Variants in ZNF496 observed in about 807,000 individuals in gnomAD.
ZNF496 encodes NSD1 (nuclear receptor binding SET-domain containing 1)-interacting zinc finger protein 1.
In ZNF496, 11 loss-of-function variants were observed where a neutral mutation model predicts 58.9. The observed-to-expected ratio is 0.19, with a 90% CI of 0.12 to 0.31. The LOEUF (loss-of-function observed/expected upper bound fraction) is 0.31, where lower values mean the gene tolerates loss of function less well. Ranked by LOEUF, ZNF496 falls within the 10% of genes least tolerant of loss-of-function variation. The probability of loss-of-function intolerance (pLI) is 1.00; values close to 1 mark genes in which losing one functional copy is unlikely to be tolerated. For missense variants in ZNF496, 660 were observed against 783.0 expected, an observed-to-expected ratio of 0.84 and a Z score of 1.88; for synonymous variants, 338 against 318.2, an observed-to-expected ratio of 1.06 and a Z score of -0.66.
At position 247,298,566 on chromosome 1, in the gene ZNF496, T is replaced by G. The variant is rs1659149063; in HGVS notation, c.*1953A>C. ...ACTGAGCTAGGCAATCCACCCACCT[T>G]GGTTTCCCAAAGTGCTAGGATTACA... On this transcript the variant is annotated 3_prime_UTR_variant, in exon 10 of 10. Transcript: ENST00000682384. 1 of 152,260 alleles carries G rather than the reference T, an allele frequency of 6.6e-6. No homozygotes were observed. The highest frequency in any genetic ancestry group is 6.5e-5 in the Admixed American group (1 of 15,278). 9.4% of individuals were successfully genotyped at this position (152,260 alleles called of 1,614,324 possible).
intron 6 of ZNF496, 110 bp from the exon 7 acceptor site, chr1:247,310,566 A>G: frequency 2.1e-6 from 3 of 1,407,892 alleles, no homozygotes. Flanking sequence ...CAGTTTCTAT[A>G]CAACAGAAAT....
chr1:247,328,906 G>C (rs1323514335), intron 4 of ZNF496, 40 bp from the exon 5 acceptor site: 3 of 1,549,862 alleles, frequency 1.9e-6, no homozygotes, highest in Non-Finnish European at 2.6e-6. Flanking sequence ...TAGGGGAAGA[G>C]GTCCCATCTC....
rs149208098 is a variant in ZNF496 at position 247,308,362 on chromosome 1, C to A, written c.1006+113G>T. The A allele has an allele frequency of 9.6e-6, 9 of 936,806 alleles. No homozygotes were observed. The highest frequency in any genetic ancestry group is 1.5e-5 in the Non-Finnish European group (9 of 582,572). 58.0% of individuals were successfully genotyped at this position (936,806 alleles called of 1,614,324 possible). A position where few individuals can be genotyped will look rare whatever the true frequency, so the allele number is the denominator to read the frequency against. On this transcript the variant is annotated intron_variant, in intron 9 of 9. Coordinates refer to ENST00000682384, the MANE Select transcript of ZNF496 (RefSeq NM_032752.3). The surrounding 1 kb of genome is among the most constrained non-coding windows in gnomAD (Gnocchi z 4.5). ...ACCACATATACCACATGTGTATGCA[C>A]GCACACATGCATTCAACACAACCAT...
chr1:247,305,905 C>T (rs1156713566), intron 9 of ZNF496, among the ~76,000 whole-genome samples: 1 of 152,146 alleles, frequency 6.6e-6, no homozygotes, highest in African/African-American at 2.4e-5. Context: ...CATAAAGAGA[C>T]CCCATCTTTA....
chr1:247,322,645 T>G, intron 6 of ZNF496: 1 of 1,185,610 alleles, frequency 8.4e-7, no homozygotes, highest in Admixed American at 2.3e-5. Flanking sequence ...AGTAAGCAAG[T>G]CTTACACAAA....
chr1:247,323,497 G>C lies in ZNF496; in HGVS notation c.575-267C>G, dbSNP rs1660024693. ...GCGACTTTGTTTCCAGATATAACAAGGGGGGCTGTAACAGAGTGTGCCTGG... is the reference window on the plus strand; with the variant it reads ...GCGACTTTGTTTCCAGATATAACAACGGGGGCTGTAACAGAGTGTGCCTGG... On this transcript the variant is annotated intron_variant, in intron 5 of 9. Transcript: ENST00000682384. 2.0e-5 allele frequency among the ~76,000 whole-genome samples: 3 copies of C among 152,178 alleles called. No individual in the cohort carries two copies. The South Asian group carries it at 6.2e-4, about 32-fold the overall frequency.
At chr1:247,313,945 T>A (rs1209658278) in intron 6 of ZNF496, 2 of 152,242 alleles carry the variant, frequency 1.3e-5, no homozygotes, top group East Asian at 3.8e-4. Context: ...GAAGGTTAGC[T>A]GCTTCTCAAG....
chr1:247,315,201 T>G (rs1245722404), intron 6 of ZNF496, among the ~76,000 whole-genome samples: 2 of 151,582 alleles, frequency 1.3e-5, no homozygotes, highest in Non-Finnish European at 2.9e-5. Flanking sequence ...ATTGTACATA[T>G]GTATCCCAGT....
Position 247,309,649 on chromosome 1 carries a change from A to G in ZNF496, c.892+50T>C, listed in dbSNP as rs757258344. On this transcript the variant is annotated intron_variant, in intron 8 of 9. Transcript: ENST00000682384. This position sits in a 1 kb window ranked among gnomAD's most constrained non-coding sequence, Gnocchi z 4.3. ...GAGAGTGGGCTCACCTCCGGCTGCC[A>G]GCAACCCTTCCCCCTACTCTGTCCA... 3.1e-6 allele frequency: 5 copies of G among 1,607,000 alleles called. No homozygotes were observed. Among genetic ancestry groups the G allele is most frequent in the Non-Finnish European group, 3.4e-6 (4 of 1,175,936 alleles).
Position 247,309,290 on chromosome 1 carries a change from T to A in ZNF496, c.892+409A>T. ...TCACAGCACCCCTGTACCAGGCAGA[T>A]GGGAAGACTAGACAGGTGAGGCACC... On this transcript the variant is annotated intron_variant, in intron 8 of 9. Coordinates refer to ENST00000682384, the MANE Select transcript of ZNF496 (RefSeq NM_032752.3). This position sits in a 1 kb window ranked among gnomAD's most constrained non-coding sequence, Gnocchi z 4.3. 1 of 708,664 alleles carries A rather than the reference T, an allele frequency of 1.4e-6. No homozygotes were observed. The highest frequency in any genetic ancestry group is 1.8e-6 in the Non-Finnish European group (1 of 564,582). 43.9% of individuals were successfully genotyped at this position (708,664 alleles called of 1,614,324 possible). A position where few individuals can be genotyped will look rare whatever the true frequency, so the allele number is the denominator to read the frequency against.
At chr1:247,330,806 A>T (rs1213753234) in intron 2 of ZNF496, among the ~76,000 whole-genome samples, 1 of 152,114 alleles carries the variant, frequency 6.6e-6, no homozygotes, top group African/African-American at 2.4e-5. Flanking sequence ...GGGAAGGGGG[A>T]CTCGGGCCTC....
At chr1:247,303,237 G>A (rs796180400) in intron 9 of ZNF496, among the ~76,000 whole-genome samples, 1 of 152,204 alleles carries the variant, frequency 6.6e-6, no homozygotes, top group Non-Finnish European at 1.5e-5. Flanking sequence ...GATGGGAGCC[G>A]TCTCCAAGAC....
intron 6 of ZNF496, 79 bp downstream of exon 6, chr1:247,323,075 C>A: frequency 8.2e-7 from 1 of 1,217,402 alleles, no homozygotes; most frequent in Admixed American, 1.9e-5. Flanking sequence ...AGAAAGCTGG[C>A]TGGGGTCCTA....
At chr1:247,306,354 G>A (rs1196508862) in intron 9 of ZNF496, among the ~76,000 whole-genome samples, 8 of 151,940 alleles carry the variant, frequency 5.3e-5, no homozygotes, top group East Asian at 3.9e-4. Context: ...CCACCACCAC[G>A]CCTGGTTAAT....
rs201186610 is a variant in ZNF496, at chr1:247,323,210, G to A, written c.595C>T (p.Leu199Phe). The A allele has an allele frequency of 3.8e-4, 611 of 1,613,912 alleles. No homozygotes were observed. Among genetic ancestry groups the A allele is most frequent in the Non-Finnish European group, 4.6e-4 (546 of 1,179,930 alleles). ...GTGTCCCGCACATTCTCTTCCTGAA[G>A]AAGGAAAGCATCTTGCAGAACTGAA... ...GDPVLQDAFL[L>F]QEENVRDTQQ... Residue 199 changes from leucine to phenylalanine, a missense_variant, in exon 6 of 10, where the codon CTT (leucine) becomes TTT (phenylalanine). Transcript: ENST00000682384.
chr1:247,301,263 C>T lies in ZNF496; in HGVS notation c.1020G>A (p.Pro340=), dbSNP rs368972635. 4.0e-6 allele frequency: 6 copies of T among 1,512,080 alleles called. No individual in the cohort carries two copies. The highest frequency in any genetic ancestry group is 2.3e-5 in the East Asian group (1 of 44,004). The allele number at this position is 1,512,080 out of a possible 1,614,324, so 93.7% of individuals were successfully genotyped here. A position where few individuals can be genotyped will look rare whatever the true frequency, so the allele number is the denominator to read the frequency against. Residue 340 remains proline, a synonymous_variant, in exon 10 of 10, where the codon CCG becomes CCA. Coordinates refer to ENST00000682384, the MANE Select transcript of ZNF496 (RefSeq NM_032752.3). ...CATCCAGGCTGTTCTCTAGAGATCG[C>T]GGGTTGCCGCCAGCTACAGGAAGGC... The part of the protein sequence containing the change: ...PQNTYPAGGN[P]RSLENSLDEE...
At position 247,328,782 on chromosome 1, in the gene ZNF496, G is replaced by A. The variant is rs755991204; in HGVS notation, c.475C>T (p.His159Tyr). ...TCCTGGTTCTTTGCAAGGTCGCTGT[G>A]GGGCTCTACCGGCAGCTGCTCCTGC... ...QEQEQLPVEPHSDLAKNQDAQ... is the reference protein window; with the variant it reads ...QEQEQLPVEPYSDLAKNQDAQ... The change falls in exon 5 of 10, where the codon CAC (histidine) becomes TAC (tyrosine). Residue 159 changes from histidine (H) to tyrosine (Y), a missense_variant. Coordinates refer to ENST00000682384, the MANE Select transcript of ZNF496 (RefSeq NM_032752.3). 1.2e-6 allele frequency: 2 copies of A among 1,613,760 alleles called. No individual in the cohort carries two copies. Among genetic ancestry groups the A allele is most frequent in the Non-Finnish European group, 1.7e-6 (2 of 1,179,896 alleles).
At chr1:247,323,005 G>T in intron 6 of ZNF496, 149 bp downstream of exon 6, 2 of 715,054 alleles carry the variant, frequency 2.8e-6, no homozygotes, top group South Asian at 1.9e-5. Flanking sequence ...CGTCTCTTAA[G>T]CTCACGCTCT....
intron 6 of ZNF496, among the ~76,000 whole-genome samples, chr1:247,320,912 C>T (rs145206683): frequency 3.9e-5 from 6 of 152,262 alleles, no homozygotes; most frequent in Admixed American, 6.5e-5. Context: ...TGGTGGCTCA[C>T]GCCTGTAATC....
Sources: allele counts gnomAD v4.1 joint callset (sites outside exome capture counted in the v4.1 genomes callset), GRCh38; gene constraint gnomAD v4.1.1; non-coding constraint Gnocchi (gnomAD v3.1); transcripts MANE v1.5; gene names NCBI Gene and HGNC (gene_info 2026-07-23, HGNC 2026-07-21).